Variants in CTTNBP2NL observed in about 807,000 individuals in gnomAD.
The protein encoded by CTTNBP2NL is CTTNBP2 N-terminal like, also known as CTTNBP2 N-terminal-like protein.
In CTTNBP2NL, 16 loss-of-function variants were observed where a neutral mutation model predicts 32.5. That is an observed-to-expected ratio of 0.49 (90% CI 0.33 to 0.75). The LOEUF (loss-of-function observed/expected upper bound fraction) is 0.75. Among genes scored for constraint, CTTNBP2NL ranks in the 30% least tolerant of loss-of-function variants. The pLI, the probability that CTTNBP2NL is intolerant of heterozygous loss-of-function variation, is 0.02. For missense variants in CTTNBP2NL, 645 were observed against 756.0 expected, an observed-to-expected ratio of 0.85 and a Z score of 1.72; for synonymous variants, 298 against 289.4, an observed-to-expected ratio of 1.03 and a Z score of -0.30.
chr1:112,412,573 A>G (rs142503815), intron 2 of CTTNBP2NL, among the ~76,000 whole-genome samples: 210 of 107,612 alleles, frequency 2.0e-3, no homozygotes, highest in Non-Finnish European at 3.2e-3. Flanking sequence ...TAATATTTAT[A>G]TTGTGTTCAT....
intron 1 of CTTNBP2NL, among the ~76,000 whole-genome samples, chr1:112,405,944 G>A (rs1487123617): frequency 6.7e-6 from 1 of 150,140 alleles, no homozygotes; most frequent in Non-Finnish European, 1.5e-5. Context: ...CCAGCACTTT[G>A]GGAGGCCGAG....
chr1:112,406,679 A>T (rs149248888), intron 1 of CTTNBP2NL, among the ~76,000 whole-genome samples: 4 of 152,208 alleles, frequency 2.6e-5, no homozygotes, highest in Non-Finnish European at 5.9e-5. Context: ...TTTTTTCATT[A>T]TTACTATTAT....
intron 3 of CTTNBP2NL, among the ~76,000 whole-genome samples, chr1:112,427,269 G>T (rs539002024): frequency 6.6e-6 from 1 of 152,018 alleles, no homozygotes; most frequent in Non-Finnish European, 1.5e-5. Context: ...ATTTTTTCTC[G>T]TTAATCTGGG....
chr1:112,451,662 C>T (rs1043208886), intron 4 of CTTNBP2NL, among the ~76,000 whole-genome samples: 2 of 149,750 alleles, frequency 1.3e-5, no homozygotes, highest in East Asian at 2.0e-4. Context: ...CCCAGCTACT[C>T]GGGAGGCTGA....
chr1:112,455,521 C>G (rs780411905), intron 5 of CTTNBP2NL, among the ~76,000 whole-genome samples: 5 of 152,162 alleles, frequency 3.3e-5, no homozygotes, highest in Non-Finnish European at 7.3e-5. Flanking sequence ...AAGTATGATT[C>G]AAATGCAACT....
intron 3 of CTTNBP2NL, among the ~76,000 whole-genome samples, chr1:112,432,331 G>A (rs1487216972): frequency 1.3e-5 from 2 of 151,948 alleles, no homozygotes; most frequent in Non-Finnish European, 2.9e-5. Context: ...AAAGTGCTGG[G>A]ATTACAGGCG....
chr1:112,403,853 C>T (rs1007636296), intron 1 of CTTNBP2NL, among the ~76,000 whole-genome samples: 2 of 152,200 alleles, frequency 1.3e-5, no homozygotes, highest in African/African-American at 4.8e-5. Context: ...TGGTGCAGAT[C>T]AACCTGCCAG....
chr1:112,399,338 AAG>A (rs1553222602), intron 1 of CTTNBP2NL, among the ~76,000 whole-genome samples: 1 of 151,784 alleles, frequency 6.6e-6, no homozygotes, highest in Non-Finnish European at 1.5e-5. Flanking sequence ...AAAAAAAAAA[AAG>A]AATAGTTTCT....
chr1:112,426,942 T>G, intron 3 of CTTNBP2NL, among the ~76,000 whole-genome samples: 1 of 152,248 alleles, frequency 6.6e-6, no homozygotes, highest in South Asian at 2.1e-4. Flanking sequence ...TTAAAAATCA[T>G]AAACATTTCA....
At chr1:112,421,310 C>CTTTTT (rs34750717) in intron 3 of CTTNBP2NL, among the ~76,000 whole-genome samples, 16 of 115,924 alleles carry the variant, frequency 1.4e-4, no homozygotes, top group Admixed American at 4.7e-4. Flanking sequence ...CATTTCTTTT[C>CTTTTT]TTTTTTTTTT....
intron 1 of CTTNBP2NL, among the ~76,000 whole-genome samples, chr1:112,411,599 G>C (rs1648868670): frequency 6.6e-6 from 1 of 151,992 alleles, no homozygotes; most frequent in Non-Finnish European, 1.5e-5. Context: ...AGGCTGATTT[G>C]TTTGTTTATG....
At chr1:112,414,735 C>T (rs1649007309) in intron 2 of CTTNBP2NL, 1 of 152,206 alleles carries the variant, frequency 6.6e-6, no homozygotes, top group Non-Finnish European at 1.5e-5. Context: ...AGCAGTCTAA[C>T]TTGTATCTTT....
chr1:112,404,120 G>A (rs979872026), intron 1 of CTTNBP2NL, among the ~76,000 whole-genome samples: 9 of 152,300 alleles, frequency 5.9e-5, no homozygotes, highest in Admixed American at 2.0e-4. Flanking sequence ...AGAGCAAGTG[G>A]CAGAGCCAGG....
Position 112,398,817 on chromosome 1 carries a change from CAAAAAAAA to C in CTTNBP2NL, c.-134+2557_-134+2564del, listed in dbSNP as rs3033224. Among the ~76,000 whole-genome samples, 11 of 93,598 alleles carry C rather than the reference CAAAAAAAA, an allele frequency of 1.2e-4. No individual in the cohort carries two copies. In the South Asian group the frequency reaches 1.3e-3, roughly 11 times the overall value. 61.4% of individuals were successfully genotyped at this position (93,598 alleles called of 152,430 possible). ...AGCAGAAAGAGACCCTGTCTCTTAA[CAAAAAAAA>C]AAAAAAAAAAAGTTAAAAAAATATA... On this transcript the variant is annotated intron_variant, in intron 1 of 5. Coordinates refer to ENST00000271277, the MANE Select transcript of CTTNBP2NL (RefSeq NM_018704.3).
At position 112,452,846 on chromosome 1, in the gene CTTNBP2NL, G is replaced by T. The variant is rs148182095; in HGVS notation, c.331-1603G>T. ...TTTGTAGAAATGGGGTTTTGGGTTG[G>T]GCACAGTGGGTCACACCTGTAATCC... On this transcript the variant is annotated intron_variant, in intron 4 of 5. Coordinates refer to ENST00000271277, the MANE Select transcript of CTTNBP2NL (RefSeq NM_018704.3). Among the ~76,000 whole-genome samples the T allele has an allele frequency of 6.1e-3, 929 of 151,792 alleles. 8 individuals carry two copies. Among genetic ancestry groups the T allele is most frequent in the African/African-American group, 0.021 (886 of 41,340 alleles).
intron 3 of CTTNBP2NL, among the ~76,000 whole-genome samples, chr1:112,425,278 C>G (rs912022557): frequency 1.3e-5 from 2 of 151,830 alleles, no homozygotes; most frequent in Non-Finnish European, 2.9e-5. Context: ...CAAGACCAGC[C>G]TGGTTAACAT....
chr1:112,459,056 A>G lies in CTTNBP2NL; in HGVS notation c.*1644A>G, dbSNP rs1650466847. 6.6e-6 allele frequency: 1 copy of G among 152,258 alleles called. No homozygotes were observed. The allele number at this position is 152,258 out of a possible 1,614,324, so 9.4% of individuals were successfully genotyped here. A position where few individuals can be genotyped will look rare whatever the true frequency, so the allele number is the denominator to read the frequency against. Reference sequence around the variant, plus strand: ...CACATTTTTTGAAATCCAAATTTTCATGAGAAACATTCTCATTTTTAAATA... The same window carrying G: ...CACATTTTTTGAAATCCAAATTTTCGTGAGAAACATTCTCATTTTTAAATA... On this transcript the variant is annotated 3_prime_UTR_variant, in exon 6 of 6. Coordinates refer to ENST00000271277, the MANE Select transcript of CTTNBP2NL (RefSeq NM_018704.3).
At chr1:112,455,894 G>A in intron 5 of CTTNBP2NL, 37 bp from the exon 6 acceptor site, 1 of 1,483,574 alleles carries the variant, frequency 6.7e-7, no homozygotes, top group Non-Finnish European at 9.1e-7. Context: ...CTTGATCACA[G>A]TTTGTCAGTA....
intron 3 of CTTNBP2NL, among the ~76,000 whole-genome samples, chr1:112,424,764 C>CAA (rs1649340247): frequency 1.3e-5 from 2 of 152,008 alleles, no homozygotes; most frequent in African/African-American, 2.4e-5. Context: ...CTAAGTGTTT[C>CAA]ACACTTTTGA....
Sources: allele counts gnomAD v4.1 joint callset (sites outside exome capture counted in the v4.1 genomes callset), GRCh38; gene constraint gnomAD v4.1.1; transcripts MANE v1.5; gene names NCBI Gene and HGNC (gene_info 2026-07-23, HGNC 2026-07-21).